AGBL1: variants seen among roughly 807,000 people sequenced by gnomAD.
AGBL1 encodes AGBL carboxypeptidase 1, also known as cytosolic carboxypeptidase 4.
In AGBL1, 130 loss-of-function variants were observed where a neutral mutation model predicts 118.9. That is an observed-to-expected ratio of 1.09 (90% CI 0.95 to 1.26). The LOEUF (loss-of-function observed/expected upper bound fraction) is 1.26, where lower values mean the gene tolerates loss of function less well. Ranked by LOEUF, AGBL1 falls within the 50% of genes most tolerant of loss-of-function variation. The probability of loss-of-function intolerance (pLI) is 0.00; values close to 1 mark genes in which losing one functional copy is unlikely to be tolerated. For missense variants in AGBL1, 1,584 were observed against 1,298.1 expected (o/e 1.22, Z -3.38); for synonymous variants, 555 against 478.9 (o/e 1.16, Z -2.08).
chr15:86,359,387 CTTTTTTTT>C (rs56189861), intron 17 of AGBL1, among the ~76,000 whole-genome samples: 43 of 93,784 alleles, frequency 4.6e-4, no homozygotes, highest in East Asian at 1.4e-3. Context: ...TATTGGTTTT[CTTTTTTTT>C]TTTTTTTTTT....
chr15:86,740,995 G>T (rs774235455), intron 22 of AGBL1, among the ~76,000 whole-genome samples: 94 of 152,100 alleles, frequency 6.2e-4, no homozygotes, highest in African/African-American at 3.4e-4. Flanking sequence ...GAGGACACAT[G>T]GAAGAACGAC....
In AGBL1 at chr15:86,908,180, A is replaced by C; in HGVS notation, c.*886A>C. The C allele has an allele frequency of 6.6e-6, 1 of 152,240 alleles. No individual in the cohort carries two copies. The highest frequency in any genetic ancestry group is 1.9e-4 in the East Asian group (1 of 5,198). The allele number at this position is 152,240 out of a possible 1,614,324, so 9.4% of individuals were successfully genotyped here. A position where few individuals can be genotyped will look rare whatever the true frequency, so the allele number is the denominator to read the frequency against. On this transcript the variant is annotated 3_prime_UTR_variant, in exon 23 of 23. Coordinates refer to ENST00000614907, the MANE Select transcript of AGBL1 (RefSeq NM_001386094.1). Reference sequence around the variant, plus strand: ...TATATCATAAAATTATTGTAGGATGAAATGAGATGATATATAAAAGTGTAT... The same window carrying C: ...TATATCATAAAATTATTGTAGGATGCAATGAGATGATATATAAAAGTGTAT...
chr15:86,211,933 G>C (rs2078105770), intron 5 of AGBL1, among the ~76,000 whole-genome samples: 1 of 152,148 alleles, frequency 6.6e-6, no homozygotes, highest in South Asian at 2.1e-4. Flanking sequence ...TTCACGCTGG[G>C]AACTGCAGAC....
intron 11 of AGBL1, among the ~76,000 whole-genome samples, chr15:86,265,503 A>G (rs958386603): frequency 7.2e-5 from 11 of 152,352 alleles, no homozygotes; most frequent in African/African-American, 2.6e-4. Flanking sequence ...TTGAAAAAAA[A>G]CTGTATGCAC....
At chr15:86,557,275 T>C (rs1358013389) in intron 21 of AGBL1, among the ~76,000 whole-genome samples, 10 of 152,162 alleles carry the variant, frequency 6.6e-5, no homozygotes, top group Admixed American at 6.5e-4. Flanking sequence ...GGCTCATTTT[T>C]TTAGAGGCAT....
intron 21 of AGBL1, among the ~76,000 whole-genome samples, chr15:86,633,888 ATATATAAT>A (rs2085032367): frequency 6.3e-5 from 3 of 47,436 alleles, no homozygotes; most frequent in African/African-American, 1.4e-4. Context: ...GTATATATAT[ATATATAAT>A]GTATATATAT....
At chr15:86,422,217 C>T (rs188402753) in intron 18 of AGBL1, among the ~76,000 whole-genome samples, 43 of 152,126 alleles carry the variant, frequency 2.8e-4, no homozygotes, top group East Asian at 3.9e-4. Flanking sequence ...CTGCAGCAAA[C>T]GCAAAAGAAT....
At chr15:86,706,615 A>C (rs1265513610) in intron 22 of AGBL1, among the ~76,000 whole-genome samples, 1 of 152,168 alleles carries the variant, frequency 6.6e-6, no homozygotes, top group African/African-American at 2.4e-5. Flanking sequence ...GTTTTATAAG[A>C]AAAAGCTATT....
At chr15:86,896,208 A>G (rs568957817) in intron 22 of AGBL1, among the ~76,000 whole-genome samples, 2 of 152,122 alleles carry the variant, frequency 1.3e-5, no homozygotes, top group East Asian at 1.9e-4. Flanking sequence ...TAACCATTCT[A>G]TAGTCTTTTC....
chr15:86,272,721 C>T (rs2141695450), intron 15 of AGBL1, among the ~76,000 whole-genome samples: 1 of 152,224 alleles, frequency 6.6e-6, no homozygotes, highest in East Asian at 1.9e-4. Context: ...GTCTATAAGA[C>T]ACAGAGCCAG....
At chr15:86,462,033 C>A (rs1423371644) in intron 18 of AGBL1, among the ~76,000 whole-genome samples, 1 of 152,202 alleles carries the variant, frequency 6.6e-6, no homozygotes, top group African/African-American at 2.4e-5. Context: ...CAATTACTTA[C>A]AAACTATGAG....
chr15:86,947,831 A>T (rs895854189), intron 23 of AGBL1, among the ~76,000 whole-genome samples: 1 of 152,208 alleles, frequency 6.6e-6, no homozygotes, highest in African/African-American at 2.4e-5. Flanking sequence ...CATACAGATT[A>T]TCTGACGTTG....
chr15:86,328,635 C>T (rs936118456), intron 17 of AGBL1, among the ~76,000 whole-genome samples: 2 of 152,036 alleles, frequency 1.3e-5, no homozygotes, highest in Non-Finnish European at 2.9e-5. Context: ...GTAAACAGCC[C>T]CTGTGACAGT....
intron 22 of AGBL1, among the ~76,000 whole-genome samples, chr15:86,776,741 T>C (rs2078260358): frequency 9.2e-6 from 1 of 109,158 alleles, no homozygotes; most frequent in African/African-American, 4.2e-5. Context: ...CTTAGAATTA[T>C]ATATATATAT....
At chr15:86,398,512 A>G (rs1037921736) in intron 18 of AGBL1, among the ~76,000 whole-genome samples, 1 of 152,158 alleles carries the variant, frequency 6.6e-6, no homozygotes, top group Non-Finnish European at 1.5e-5. Context: ...AAAAATTAGT[A>G]TCAAAGAAGC....
At chr15:86,491,677 A>C (rs1055543355) in intron 18 of AGBL1, among the ~76,000 whole-genome samples, 1 of 152,064 alleles carries the variant, frequency 6.6e-6, no homozygotes, top group African/African-American at 2.4e-5. Context: ...GGTTGATTGG[A>C]TAGGGTGGGT....
intron 23 of AGBL1, among the ~76,000 whole-genome samples, chr15:86,961,325 C>A (rs1040293957): frequency 3.3e-5 from 5 of 151,922 alleles, no homozygotes; most frequent in African/African-American, 9.7e-5. Context: ...AAAAAAAAGC[C>A]AATGAGGGTC....
At chr15:86,801,342 T>TATC (rs1462816201) in intron 22 of AGBL1, among the ~76,000 whole-genome samples, 2 of 151,830 alleles carry the variant, frequency 1.3e-5, no homozygotes, top group African/African-American at 4.8e-5. Flanking sequence ...TCTATCTATC[T>TATC]ATCTATCTAT....
At chr15:86,723,700 G>A (rs190114053) in intron 22 of AGBL1, among the ~76,000 whole-genome samples, 13 of 151,886 alleles carry the variant, frequency 8.6e-5, no homozygotes, top group African/African-American at 1.9e-4. Context: ...TTGACTAAAC[G>A]GAAAACTAGA....
Sources: gnomAD v4.1 joint callset for allele counts (sites outside exome capture counted in the v4.1 genomes callset) on GRCh38, gnomAD v4.1.1 for gene constraint, MANE v1.5 for transcripts, NCBI Gene and HGNC (gene_info 2026-07-23, HGNC 2026-07-21) for gene names.